The following THSD4 variants were observed in gnomAD, a reference collection of about 807,000 sequenced individuals.
THSD4 encodes thrombospondin type-1 domain-containing protein 4.
Under a neutral mutation model 119.0 loss-of-function variants are expected in THSD4, and 69 were observed. The observed-to-expected ratio is 0.58, with a 90% CI of 0.48 to 0.71. The LOEUF is 0.71. Among genes scored for constraint, THSD4 ranks in the 30% least tolerant of loss-of-function variants. The pLI, the probability that THSD4 is intolerant of heterozygous loss-of-function variation, is 0.00. For synonymous variants in THSD4, 524 were observed against 540.4 expected, an observed-to-expected ratio of 0.97 and a Z score of 0.42; for missense variants, 1,393 against 1,391.1, an observed-to-expected ratio of 1.00 and a Z score of -0.02.
intron 7 of THSD4, among the ~76,000 whole-genome samples, chr15:71,652,443 C>G (rs779324752): frequency 6.6e-6 from 1 of 152,174 alleles, no homozygotes; most frequent in African/African-American, 2.4e-5. Flanking sequence ...GAGCAATTAT[C>G]ACTGTCAAAA....
chr15:71,551,797 C>G (rs1008670106), intron 7 of THSD4, among the ~76,000 whole-genome samples: 2 of 152,166 alleles, frequency 1.3e-5, no homozygotes, highest in Non-Finnish European at 2.9e-5. Context: ...TGCACACCCT[C>G]TGCCTGCCAG....
intron 6 of THSD4, among the ~76,000 whole-genome samples, chr15:71,310,350 A>G (rs1435861831): frequency 6.6e-6 from 1 of 152,188 alleles, no homozygotes; most frequent in Non-Finnish European, 1.5e-5. Flanking sequence ...CTGAAGGCTC[A>G]TTGAGAAATC....
intron 6 of THSD4, among the ~76,000 whole-genome samples, chr15:71,389,810 G>GTTTTTTTTTGTTTTTTTTTTTTT (rs2046349010): frequency 1.1e-5 from 1 of 87,998 alleles, no homozygotes; most frequent in Non-Finnish European, 2.2e-5. Context: ...TTTCTGGGTT[G>GTTTTTTTTTGTTTTTTTTTTTTT]TTTTTTTTTT....
intron 7 of THSD4, among the ~76,000 whole-genome samples, chr15:71,474,437 G>A (rs958851584): frequency 6.6e-6 from 1 of 151,928 alleles, no homozygotes; most frequent in Non-Finnish European, 1.5e-5. Context: ...TGGCCAGGCT[G>A]GTCTTGAACT....
intron 7 of THSD4, among the ~76,000 whole-genome samples, chr15:71,623,307 G>T (rs768929816): frequency 6.6e-6 from 1 of 152,154 alleles, no homozygotes; most frequent in Non-Finnish European, 1.5e-5. Context: ...TATGTGCCAG[G>T]CATTGTGCGA....
At chr15:71,667,097 G>T (rs1474123360) in intron 8 of THSD4, among the ~76,000 whole-genome samples, 2 of 152,142 alleles carry the variant, frequency 1.3e-5, no homozygotes, top group East Asian at 3.8e-4. Context: ...CCAAATTTCT[G>T]TTTATTTGAA....
At chr15:71,648,921 G>T (rs1401229580) in intron 7 of THSD4, among the ~76,000 whole-genome samples, 1 of 152,138 alleles carries the variant, frequency 6.6e-6, no homozygotes, top group African/African-American at 2.4e-5. Flanking sequence ...ATTATACTTT[G>T]ATCCCTCATT....
At chr15:71,123,496 G>A (rs898032128) in intron 1 of THSD4, among the ~76,000 whole-genome samples, 31 of 152,232 alleles carry the variant, frequency 2.0e-4, no homozygotes, top group African/African-American at 7.2e-4. Flanking sequence ...AGGGCCAACT[G>A]TTGTGCAGGT....
intron 7 of THSD4, among the ~76,000 whole-genome samples, chr15:71,465,794 A>G (rs537865892): frequency 6.6e-6 from 1 of 152,336 alleles, no homozygotes; most frequent in South Asian, 2.1e-4. Flanking sequence ...GGCACTGGAA[A>G]GAATGCTTTG....
chr15:71,780,947 G>C lies in THSD4; in HGVS notation c.*3573G>C, dbSNP rs911549699. 6.8e-5 allele frequency: 24 copies of C among 353,276 alleles called. No individual in the cohort carries two copies. The Admixed American group carries it at 8.5e-4, about 13-fold the overall frequency. The allele number at this position is 353,276 out of a possible 1,614,324, so 21.9% of individuals were successfully genotyped here. A position where few individuals can be genotyped will look rare whatever the true frequency, so the allele number is the denominator to read the frequency against. ...AGGACCTGTCTAAACAAATGTTGTGGGTTTTCTTTTCATTCGGATAGCCAC... is the reference window on the plus strand; with the variant it reads ...AGGACCTGTCTAAACAAATGTTGTGCGTTTTCTTTTCATTCGGATAGCCAC... On this transcript the variant is annotated 3_prime_UTR_variant, in exon 18 of 18. Transcript: ENST00000261862.
At chr15:71,437,430 G>A (rs1017768564) in intron 7 of THSD4, among the ~76,000 whole-genome samples, 1 of 152,356 alleles carries the variant, frequency 6.6e-6, no homozygotes, top group East Asian at 1.9e-4. Context: ...CTTTCTTCCT[G>A]CGATATGAGT....
intron 3 of THSD4, among the ~76,000 whole-genome samples, chr15:71,209,036 G>C (rs1030281251): frequency 6.6e-6 from 1 of 152,114 alleles, no homozygotes; most frequent in African/African-American, 2.4e-5. Flanking sequence ...CTTTGAACAA[G>C]CTCCTCTTCT....
intron 7 of THSD4, among the ~76,000 whole-genome samples, chr15:71,609,459 C>G (rs182924483): frequency 4.4e-4 from 67 of 152,228 alleles, no homozygotes; most frequent in Admixed American, 3.4e-3. Context: ...CTTGATTTAA[C>G]TTGGGCTGTG....
intron 7 of THSD4, among the ~76,000 whole-genome samples, chr15:71,613,302 G>T (rs992808852): frequency 3.3e-5 from 5 of 152,146 alleles, no homozygotes; most frequent in African/African-American, 1.2e-4. Context: ...CTTGCACTAA[G>T]GAAACTTGGT....
chr15:71,123,432 G>A (rs2040424591), intron 1 of THSD4, among the ~76,000 whole-genome samples: 1 of 152,230 alleles, frequency 6.6e-6, no homozygotes, highest in East Asian at 1.9e-4. Context: ...ACATGCCGTA[G>A]GAATTAGAGG....
In THSD4 at chr15:71,601,686, G is replaced by A. The variant is rs74575894; in HGVS notation, c.1153-58844G>A. 1.2e-4 allele frequency among the ~76,000 whole-genome samples: 18 copies of A among 152,324 alleles called. No homozygotes were observed. The East Asian group carries it at 3.5e-3, about 29-fold the overall frequency. On this transcript the variant is annotated intron_variant, in intron 7 of 17. Coordinates refer to ENST00000261862, the MANE Select transcript of THSD4 (RefSeq NM_024817.3). ...ACAAGGACGTGGAAAAAATCTAGCT[G>A]CCCTGTACAGAGCTACTGAAATGTC...
chr15:71,418,747 G>A (rs1336063310), intron 7 of THSD4, among the ~76,000 whole-genome samples: 1 of 108,724 alleles, frequency 9.2e-6, no homozygotes, highest in Admixed American at 1.2e-4. Flanking sequence ...TAGGATTGGT[G>A]TATTAAATCT....
intron 1 of THSD4, among the ~76,000 whole-genome samples, chr15:71,132,869 G>A (rs74583059): frequency 0.021 from 3,179 of 152,336 alleles, 50 homozygotes; most frequent in South Asian, 0.033. Context: ...GAGGCCATTT[G>A]TAGGCAGCAG....
intron 1 of THSD4, among the ~76,000 whole-genome samples, chr15:71,121,487 A>G (rs934073353): frequency 1.3e-5 from 2 of 151,762 alleles, no homozygotes; most frequent in African/African-American, 4.8e-5. Flanking sequence ...TGACTCTTTG[A>G]TTGATCTCCC....
Sources: gnomAD v4.1 joint callset for allele counts (sites outside exome capture counted in the v4.1 genomes callset) on GRCh38, gnomAD v4.1.1 for gene constraint, MANE v1.5 for transcripts, NCBI Gene and HGNC (gene_info 2026-07-23, HGNC 2026-07-21) for gene names.